SLC36A4: variants seen among roughly 807,000 people sequenced by gnomAD.
SLC36A4 encodes solute carrier family 36 member 4.
Under a neutral mutation model 50.5 loss-of-function variants are expected in SLC36A4, and 49 were observed. The ratio of observed to expected loss-of-function variants is 0.97; its 90% CI spans 0.77 to 1.23. The LOEUF (loss-of-function observed/expected upper bound fraction) is 1.23. SLC36A4 is among the 50% of genes most tolerant of loss of function. SLC36A4 has a pLI of 0.00. For missense variants in SLC36A4, 611 were observed against 608.4 expected (o/e 1.00, Z -0.05); for synonymous variants, 207 against 206.5 (o/e 1.00, Z -0.02).
chr11:93,166,439 TTC>T, intron 7 of SLC36A4: 1 of 987,100 alleles, frequency 1.0e-6, no homozygotes, highest in Non-Finnish European at 1.2e-6. Context: ...GCTCTTTCAG[TTC>T]TCTAAGATAC....
intron 1 of SLC36A4, among the ~76,000 whole-genome samples, chr11:93,191,916 C>T (rs1862232843): frequency 6.6e-6 from 1 of 152,084 alleles, no homozygotes; most frequent in South Asian, 2.1e-4. Context: ...CACAAAAGCT[C>T]TCTGCCTCAT....
chr11:93,160,356 T>C (rs1183264598), intron 9 of SLC36A4: 2 of 985,300 alleles, frequency 2.0e-6, no homozygotes, highest in Non-Finnish European at 2.4e-6. Context: ...AGGATACTTG[T>C]ACTAGGGTTT....
At chr11:93,170,258 A>C (rs948726445) in intron 6 of SLC36A4, 6 of 152,080 alleles carry the variant, frequency 3.9e-5, no homozygotes, top group Admixed American at 3.3e-4. Context: ...TACTAAATTC[A>C]GTTGTTTCCA....
Position 93,182,896 on chromosome 11 carries a change from T to A in SLC36A4, c.271-2A>T, listed in dbSNP as rs746767422. 1 of 1,602,052 alleles carries A rather than the reference T, an allele frequency of 6.2e-7. No homozygotes were observed. The highest frequency in any genetic ancestry group is 8.5e-7 in the Non-Finnish European group (1 of 1,175,052). ...AAACACAAGGCTGATTGGTCCAAGC[T>A]GTGGGGAAAAAAAATTTATAAGGTT... On this transcript the variant is annotated splice_acceptor_variant, in intron 3 of 10. Coordinates refer to ENST00000326402, the MANE Select transcript of SLC36A4 (RefSeq NM_152313.4). LOFTEE classifies it high-confidence loss of function.
At chr11:93,188,754 T>C (rs911728623) in intron 1 of SLC36A4, among the ~76,000 whole-genome samples, 1 of 152,180 alleles carries the variant, frequency 6.6e-6, no homozygotes, top group Non-Finnish European at 1.5e-5. Flanking sequence ...CTATACAAAA[T>C]ACACTGGTAC....
chr11:93,148,887 G>T, intron 10 of SLC36A4, 43 bp from the exon 11 acceptor site: 3 of 1,510,600 alleles, frequency 2.0e-6, no homozygotes, highest in East Asian at 4.7e-5. Flanking sequence ...TTAAATGTTT[G>T]TTACTTACAT....
chr11:93,193,099 AT>A, intron 1 of SLC36A4: 1 of 784,580 alleles, frequency 1.3e-6, no homozygotes, highest in Non-Finnish European at 1.5e-6. Flanking sequence ...GCTCTATGGG[AT>A]TTTTAAATGC....
chr11:93,183,680 T>A (rs1217373572), intron 3 of SLC36A4, among the ~76,000 whole-genome samples: 2 of 151,938 alleles, frequency 1.3e-5, no homozygotes, highest in African/African-American at 4.8e-5. Flanking sequence ...TTATTGTTAT[T>A]ACTTTTCTTT....
chr11:93,180,838 A>G lies in SLC36A4; in HGVS notation c.499T>C (p.Cys167Arg), dbSNP rs536926822. 7.4e-6 allele frequency: 12 copies of G among 1,613,050 alleles called. No individual in the cohort carries two copies. The Admixed American group carries it at 1.5e-4, about 20-fold the overall frequency. ...FFLVITQLGF[C>R]SVYIVFLAEN... is the part of the protein sequence containing the mutation. ...GCTAAGAAGACAATATAAACACTAC[A>G]GAATCCCAGCTGTGTTATCACCAGA... The change falls in exon 6 of 11, where the codon TGT becomes CGT. Residue 167 changes from cysteine (C) to arginine (R), a missense_variant. By Grantham distance (180) the Cys-to-Arg change is radical (BLOSUM62 -3). Coordinates refer to ENST00000326402, the MANE Select transcript of SLC36A4 (RefSeq NM_152313.4).
intron 8 of SLC36A4, among the ~76,000 whole-genome samples, chr11:93,165,079 G>A (rs187190460): frequency 3.0e-4 from 45 of 152,244 alleles, no homozygotes; most frequent in African/African-American, 1.0e-3. Flanking sequence ...AAATTTGTAA[G>A]AATTTGGGAG....
chr11:93,182,956 C>A, intron 3 of SLC36A4, 62 bp from the exon 4 acceptor site: 1 of 1,123,744 alleles, frequency 8.9e-7, no homozygotes, highest in South Asian at 1.4e-5. Context: ...ATCTTATAAG[C>A]AATGAATCAA....
chr11:93,184,545 T>G, intron 2 of SLC36A4, 25 bp from the exon 3 acceptor site: 1 of 1,339,666 alleles, frequency 7.5e-7, no homozygotes, highest in Non-Finnish European at 1.1e-6. Context: ...TTGTAAGACT[T>G]AAATATTTTA....
intron 10 of SLC36A4, chr11:93,152,895 C>T (rs1243124489): frequency 6.6e-6 from 1 of 152,024 alleles, no homozygotes; most frequent in African/African-American, 2.4e-5. Context: ...TATAAAAATA[C>T]TTCAAAATGT....
At chr11:93,179,980 CAA>C in intron 6 of SLC36A4, 1 of 547,826 alleles carries the variant, frequency 1.8e-6, no homozygotes, top group Non-Finnish European at 2.3e-6. Context: ...CTCAAATACA[CAA>C]ATGCACAAGA....
At chr11:93,156,665 G>A (rs1446512772) in intron 9 of SLC36A4, among the ~76,000 whole-genome samples, 4 of 151,988 alleles carry the variant, frequency 2.6e-5, no homozygotes, top group South Asian at 4.1e-4. Context: ...TGATCTGCCC[G>A]CCTTGGCCTC....
rs904474895 is a variant in SLC36A4, at chr11:93,147,729, A to G, written c.*808T>C. ...TCTTTTTCTTGGACATGATGTGAGAAATAAAACATCCTGGCCTGGGAGTCA... is the reference window on the plus strand; with the variant it reads ...TCTTTTTCTTGGACATGATGTGAGAGATAAAACATCCTGGCCTGGGAGTCA... On this transcript the variant is annotated 3_prime_UTR_variant, in exon 11 of 11. Coordinates refer to ENST00000326402, the MANE Select transcript of SLC36A4 (RefSeq NM_152313.4). The G allele has an allele frequency of 6.6e-6, 1 of 152,146 alleles. No homozygotes were observed. The highest frequency in any genetic ancestry group is 2.4e-5 in the African/African-American group (1 of 41,458). The allele number at this position is 152,146 out of a possible 1,614,324, so 9.4% of individuals were successfully genotyped here.
chr11:93,161,697 A>AC (rs1336308696), intron 9 of SLC36A4, among the ~76,000 whole-genome samples: 2 of 152,196 alleles, frequency 1.3e-5, no homozygotes, highest in Non-Finnish European at 2.9e-5. Flanking sequence ...GATTACACAG[A>AC]TTTTTTTAAT....
intron 6 of SLC36A4, among the ~76,000 whole-genome samples, chr11:93,178,824 T>C (rs1590970680): frequency 6.6e-6 from 1 of 152,136 alleles, no homozygotes; most frequent in African/African-American, 2.4e-5. Flanking sequence ...CTCTTCAACA[T>C]AGTACTGGAA....
At chr11:93,162,552 G>A (rs896039018) in intron 9 of SLC36A4, among the ~76,000 whole-genome samples, 154 bp downstream of exon 9, 2 of 152,128 alleles carry the variant, frequency 1.3e-5, no homozygotes, top group Non-Finnish European at 2.9e-5. Flanking sequence ...CAGGTGATCC[G>A]CCCACCTCTG....
Sources: gnomAD v4.1 joint callset for allele counts (sites outside exome capture counted in the v4.1 genomes callset) on GRCh38, gnomAD v4.1.1 for gene constraint, MANE v1.5 for transcripts, NCBI Gene and HGNC (gene_info 2026-07-23, HGNC 2026-07-21) for gene names.